Variants in TOR3A observed in about 807,000 individuals in gnomAD.
The protein encoded by TOR3A is torsin-3A.
Under a neutral mutation model 42.1 loss-of-function variants are expected in TOR3A, and 44 were observed. That is an observed-to-expected ratio of 1.04 (90% CI 0.82 to 1.34). TOR3A has a LOEUF of 1.34. Among genes scored for constraint, TOR3A ranks in the 40% most tolerant of loss-of-function variants. The probability of loss-of-function intolerance (pLI) is 0.00; values close to 1 mark genes in which losing one functional copy is unlikely to be tolerated. For missense variants in TOR3A, 521 were observed against 507.6 expected (o/e 1.03, Z -0.25); for synonymous variants, 227 against 213.2 (o/e 1.06, Z -0.57).
chr1:179,085,753 G>A lies in TOR3A; in HGVS notation c.499G>A (p.Gly167Ser), dbSNP rs144267272. Residue 167 changes from glycine (G) to serine (S), a missense_variant, in exon 3 of 6, where the codon GGC becomes AGC. Transcript: ENST00000367627. ...AAAGGCCCTTGCTCTGTCGTTCCAC[G>A]GCTGGTCTGGCACAGGCAAGAACTT... ...PEKALALSFH[G>S]WSGTGKNFVA... The A allele has an allele frequency of 1.9e-4, 311 of 1,614,078 alleles. No individual in the cohort carries two copies. Among genetic ancestry groups the A allele is most frequent in the African/African-American group, 3.6e-4 (27 of 74,930 alleles).
At chr1:179,092,986 C>A (rs1652633507) in intron 4 of TOR3A, among the ~76,000 whole-genome samples, 1 of 152,164 alleles carries the variant, frequency 6.6e-6, no homozygotes, top group Non-Finnish European at 1.5e-5. Flanking sequence ...ATCTGGGTGA[C>A]AGAATGAGAC....
intron 4 of TOR3A, among the ~76,000 whole-genome samples, chr1:179,092,619 G>C (rs771115699): frequency 2.4e-4 from 36 of 152,126 alleles, no homozygotes; most frequent in Admixed American, 7.2e-4. Context: ...TTGGGAGGCG[G>C]GCAGATCAGC....
intron 1 of TOR3A, 91 bp from the exon 2 acceptor site, chr1:179,082,847 CCT>C: frequency 1.2e-6 from 1 of 841,436 alleles, no homozygotes; most frequent in South Asian, 1.4e-5. Flanking sequence ...TCTGGGTGTC[CCT>C]CTGTCCCTGA....
Position 179,082,333 on chromosome 1 carries a change from C to G in TOR3A, c.205C>G (p.Gln69Glu), listed in dbSNP as rs1322231170. The G allele has an allele frequency of 6.2e-7, 1 of 1,605,326 alleles. No individual in the cohort carries two copies. The highest frequency in any genetic ancestry group is 2.3e-5 in the East Asian group (1 of 43,924). The stretch of plus-strand genomic sequence containing the variant: ...GCGGTACTGGACGCTCTTCAGCTGC[C>G]AGGTGTGGCCCGACGACTGTGACGA... The part of the protein sequence containing the change: ...SKRYWTLFSC[Q>E]VWPDDCDEDE... Residue 69 changes from glutamine to glutamate, a missense_variant, in exon 1 of 6, where the codon CAG (glutamine) becomes GAG (glutamate). Transcript: ENST00000367627.
In TOR3A at chr1:179,082,314, C is replaced by T. The variant is rs780258486; in HGVS notation, c.186C>T (p.Tyr62=). The change falls in exon 1 of 6, where the codon TAC becomes TAT. Residue 62 remains tyrosine (Y), a synonymous_variant. Transcript: ENST00000367627. ...CGGCGGGTGCCCTCTCCAAGCGGTA[C>T]TGGACGCTCTTCAGCTGCCAGGTGT... is the stretch of plus-strand genomic sequence containing the variant. ...LRAAGALSKR[Y]WTLFSCQVWP... is the part of the protein sequence containing the mutation. 1 of 1,602,300 alleles carries T rather than the reference C, an allele frequency of 6.2e-7. No individual in the cohort carries two copies. Among genetic ancestry groups the T allele is most frequent in the Admixed American group, 1.7e-5 (1 of 59,304 alleles).
chr1:179,094,472 ACT>A (rs1652679830), intron 5 of TOR3A, among the ~76,000 whole-genome samples: 1 of 152,020 alleles, frequency 6.6e-6, no homozygotes, highest in Non-Finnish European at 1.5e-5. Flanking sequence ...GAAGCCTGAG[ACT>A]CTGAGTCTCA....
intron 2 of TOR3A, among the ~76,000 whole-genome samples, chr1:179,083,284 A>G (rs1652342985): frequency 6.6e-6 from 1 of 152,192 alleles, no homozygotes; most frequent in Admixed American, 6.6e-5. Flanking sequence ...TGTCAGGCCC[A>G]GAGCACCTTG....
At chr1:179,082,620 C>G (rs1652321462) in intron 1 of TOR3A, 2 of 714,016 alleles carry the variant, frequency 2.8e-6, no homozygotes, top group Non-Finnish European at 2.5e-6. Flanking sequence ...CTTCCCGTCC[C>G]CCGCCTCCCC....
At chr1:179,085,605 G>GA in intron 2 of TOR3A, 23 bp from the exon 3 acceptor site, 1 of 1,609,870 alleles carries the variant, frequency 6.2e-7, no homozygotes, top group Non-Finnish European at 8.5e-7. Flanking sequence ...CTTTTGCTGT[G>GA]ACTACCTCTT....
At chr1:179,085,462 C>T in intron 2 of TOR3A, 166 bp from the exon 3 acceptor site, 1 of 746,820 alleles carries the variant, frequency 1.3e-6, no homozygotes. Flanking sequence ...TGAATCCCTT[C>T]TGCTACAAAG....
At chr1:179,089,957 C>T (rs1048915127) in intron 4 of TOR3A, among the ~76,000 whole-genome samples, 7 of 152,166 alleles carry the variant, frequency 4.6e-5, no homozygotes, top group East Asian at 1.9e-4. Context: ...GATTGCCTAA[C>T]GTGACCCGGT....
At chr1:179,083,916 C>A (rs4652355) in intron 2 of TOR3A, among the ~76,000 whole-genome samples, 1 of 151,924 alleles carries the variant, frequency 6.6e-6, no homozygotes, top group Admixed American at 6.6e-5. Context: ...AGGCCCACCC[C>A]AGATATTTAG....
rs759604813 is a variant in TOR3A at position 179,082,137 on chromosome 1, C to G, written c.9C>G (p.Arg3=). The G allele has an allele frequency of 2.4e-5, 36 of 1,499,640 alleles. 1 individual carries two copies. The highest frequency in any genetic ancestry group is 4.4e-6 in the Non-Finnish European group (5 of 1,135,460). 92.9% of individuals were successfully genotyped at this position (1,499,640 alleles called of 1,614,324 possible). ML[R]GPWRQLWLFF... The stretch of plus-strand genomic sequence containing the variant: ...GCAGCTCGGGGCCGGCCATGCTTCG[C>G]GGTCCGTGGCGCCAGCTTTGGCTCT... The change falls in exon 1 of 6, where the codon CGC becomes CGG. Residue 3 remains arginine (R), a synonymous_variant. Coordinates refer to ENST00000367627, the MANE Select transcript of TOR3A (RefSeq NM_022371.4).
intron 4 of TOR3A, among the ~76,000 whole-genome samples, chr1:179,092,720 A>G (rs1243142644): frequency 6.6e-6 from 1 of 152,182 alleles, no homozygotes; most frequent in African/African-American, 2.4e-5. Context: ...ATGTGCCTGT[A>G]ATCCCAGCTA....
chr1:179,092,778 C>G (rs1458257692), intron 4 of TOR3A, among the ~76,000 whole-genome samples: 1 of 151,828 alleles, frequency 6.6e-6, no homozygotes, highest in Non-Finnish European at 1.5e-5. Context: ...GAGGCAGAGG[C>G]TGCTGTGAGC....
Position 179,082,710 on chromosome 1 carries a change from T to C in TOR3A, c.260-230T>C, listed in dbSNP as rs761631500. 6.0e-5 allele frequency: 42 copies of C among 702,930 alleles called. No homozygotes were observed. The East Asian group carries it at 1.1e-3, about 19-fold the overall frequency. 43.5% of individuals were successfully genotyped at this position (702,930 alleles called of 1,614,324 possible). A position where few individuals can be genotyped will look rare whatever the true frequency, so the allele number is the denominator to read the frequency against. On this transcript the variant is annotated intron_variant, in intron 1 of 5. Transcript: ENST00000367627. ...CCCTGGCGTTATTCGAAGGTGTTGC[T>C]CTTGACAGCTCTAGGGAACGTCCGC... is the stretch of plus-strand genomic sequence containing the variant.
At chr1:179,082,683 C>T in intron 1 of TOR3A, 1 of 704,900 alleles carries the variant, frequency 1.4e-6, no homozygotes, top group Non-Finnish European at 2.6e-6. Flanking sequence ...TCTCCCAGCC[C>T]ACCCTGGCGT....
chr1:179,092,385 T>G (rs938698366), intron 4 of TOR3A, among the ~76,000 whole-genome samples: 1 of 152,152 alleles, frequency 6.6e-6, no homozygotes, highest in African/African-American at 2.4e-5. Context: ...ACCTGCCACC[T>G]GCCTTCCCTG....
In TOR3A at chr1:179,087,907, G is replaced by C. The variant is rs1181915190; in HGVS notation, c.640-4G>C. The C allele has an allele frequency of 2.5e-6, 4 of 1,577,162 alleles. No homozygotes were observed. The African/African-American group carries it at 5.4e-5, about 21-fold the overall frequency. ...TCCCCAGCTGCTCCCTATATCCCGTGCAGGAGCAGCTGATGAGCCAGATCC... is the reference window on the plus strand; with the variant it reads ...TCCCCAGCTGCTCCCTATATCCCGTCCAGGAGCAGCTGATGAGCCAGATCC... On this transcript the variant is annotated splice_polypyrimidine_tract_variant and splice_region_variant and intron_variant, in intron 3 of 5. Coordinates refer to ENST00000367627, the MANE Select transcript of TOR3A (RefSeq NM_022371.4).
Sources: allele counts gnomAD v4.1 joint callset (sites outside exome capture counted in the v4.1 genomes callset), GRCh38; gene constraint gnomAD v4.1.1; transcripts MANE v1.5; gene names NCBI Gene and HGNC (gene_info 2026-07-23, HGNC 2026-07-21).